The following SATL1 variants were observed in gnomAD, a reference collection of about 807,000 sequenced individuals.
SATL1 encodes the protein spermidine/spermine N(1)-acetyltransferase-like protein 1.
In SATL1, 47 loss-of-function variants were observed where a neutral mutation model predicts 51.8. The ratio of observed to expected loss-of-function variants is 0.91; its 90% CI spans 0.72 to 1.16. The LOEUF is 1.16. Among genes scored for constraint, SATL1 ranks in the 50% most tolerant of loss-of-function variants. The pLI is 0.00. For missense variants in SATL1, 520 were observed against 526.4 expected (o/e 0.99, Z 0.12); for synonymous variants, 176 against 182.4 (o/e 0.97, Z 0.28).
At chrX:85,201,015 C>A (rs181794702) in intron 2 of SATL1, among the ~76,000 whole-genome samples, 3 of 110,804 alleles carry the variant, frequency 2.7e-5, no homozygotes, top group African/African-American at 9.8e-5. Flanking sequence ...AAAATGTGCA[C>A]CTTTAGCAGA....
chrX:85,145,052 A>G (rs1926198434), intron 2 of SATL1, among the ~76,000 whole-genome samples: 1 of 110,263 alleles, frequency 9.1e-6, no homozygotes, highest in Non-Finnish European at 1.9e-5. Context: ...AAATAAAATA[A>G]ATAAAATAAA....
intron 2 of SATL1, among the ~76,000 whole-genome samples, chrX:85,206,592 C>G (rs1398336581): frequency 9.0e-6 from 1 of 111,053 alleles, no homozygotes; most frequent in Non-Finnish European, 1.9e-5. Flanking sequence ...GAGGTGGGAA[C>G]AGAAGCAAGC....
intron 2 of SATL1, among the ~76,000 whole-genome samples, chrX:85,184,417 AC>A (rs1927270631): frequency 9.0e-6 from 1 of 110,785 alleles, no homozygotes; most frequent in African/African-American, 3.3e-5. Context: ...TAAACTTTCT[AC>A]CCCTATCTCT....
At chrX:85,184,372 A>G (rs755220621) in intron 2 of SATL1, among the ~76,000 whole-genome samples, 4 of 111,116 alleles carry the variant, frequency 3.6e-5, no homozygotes, top group African/African-American at 1.3e-4. Flanking sequence ...ATCTTTCTCT[A>G]GGTTTGGGAA....
At chrX:85,124,606 G>A (rs1050575542) in intron 2 of SATL1, among the ~76,000 whole-genome samples, 1 of 111,357 alleles carries the variant, frequency 9.0e-6, no homozygotes, top group African/African-American at 3.3e-5. Context: ...GTAACCCTAA[G>A]AGAAGACTCC....
At chrX:85,118,350 T>C (rs1230480900) in intron 2 of SATL1, 1 of 110,332 alleles carries the variant, frequency 9.1e-6, no homozygotes, top group Non-Finnish European at 1.9e-5. Context: ...CACACCAGTC[T>C]TGTATTTGCG....
intron 2 of SATL1, among the ~76,000 whole-genome samples, chrX:85,139,437 T>A (rs1312734594): frequency 1.8e-5 from 2 of 111,708 alleles, no homozygotes; most frequent in African/African-American, 6.5e-5. Context: ...ATTCTCATTT[T>A]ACAGATGGAG....
At chrX:85,191,801 G>C (rs931801360) in intron 2 of SATL1, among the ~76,000 whole-genome samples, 4 of 111,523 alleles carry the variant, frequency 3.6e-5, no homozygotes, top group African/African-American at 6.5e-5. Context: ...GAAGAAAAAA[G>C]GTTGGTCTTG....
At chrX:85,192,080 A>G (rs1927453936) in intron 2 of SATL1, among the ~76,000 whole-genome samples, 1 of 111,151 alleles carries the variant, frequency 9.0e-6, no homozygotes, top group Non-Finnish European at 1.9e-5. Context: ...TATTTCTTAA[A>G]TCCATCAATT....
intron 2 of SATL1, among the ~76,000 whole-genome samples, chrX:85,189,243 G>A (rs754673584): frequency 1.8e-5 from 2 of 111,484 alleles, no homozygotes; most frequent in South Asian, 7.5e-4. Flanking sequence ...TCAAACTCCT[G>A]GGCTCAATTG....
At chrX:85,126,712 C>T (rs1925635653) in intron 2 of SATL1, among the ~76,000 whole-genome samples, 1 of 110,988 alleles carries the variant, frequency 9.0e-6, no homozygotes. Context: ...CACATCTTAT[C>T]AAAATTTTGT....
chrX:85,151,037 C>T (rs1211319139), intron 2 of SATL1, among the ~76,000 whole-genome samples: 2 of 110,318 alleles, frequency 1.8e-5, no homozygotes, highest in East Asian at 2.8e-4. Flanking sequence ...TCCCTGTTTG[C>T]AGATGACATG....
intron 2 of SATL1, among the ~76,000 whole-genome samples, chrX:85,197,120 T>C (rs1463970964): frequency 3.6e-5 from 4 of 112,177 alleles, no homozygotes; most frequent in Non-Finnish European, 5.6e-5. Flanking sequence ...CGAGAATATA[T>C]TGAAGAGCTC....
chrX:85,102,985 T>G (rs1924936601), intron 4 of SATL1, among the ~76,000 whole-genome samples: 1 of 111,658 alleles, frequency 9.0e-6, no homozygotes, highest in Non-Finnish European at 1.9e-5. Context: ...TGTTTCAGTT[T>G]GAGTACTGCT....
intron 2 of SATL1, among the ~76,000 whole-genome samples, chrX:85,148,484 G>A (rs1287636002): frequency 1.7e-4 from 19 of 110,234 alleles, no homozygotes; most frequent in South Asian, 4.0e-4. Context: ...GATATTCCTC[G>A]AGAAGAGCAA....
chrX:85,232,133 C>T (rs1344065016), intron 1 of SATL1, among the ~76,000 whole-genome samples: 1 of 109,087 alleles, frequency 9.2e-6, no homozygotes, highest in Non-Finnish European at 1.9e-5. Context: ...AGTTGTGAGG[C>T]CCCATTACAA....
chrX:85,223,566 G>T (rs1928217447), intron 2 of SATL1, among the ~76,000 whole-genome samples: 1 of 111,194 alleles, frequency 9.0e-6, no homozygotes. Context: ...GATGAGCCAA[G>T]ATAAGAAGCC....
chrX:85,215,085 C>T (rs1928013265), intron 2 of SATL1, among the ~76,000 whole-genome samples: 1 of 111,906 alleles, frequency 8.9e-6, no homozygotes, highest in South Asian at 3.7e-4. Context: ...ACCCCTATTG[C>T]ATTCTGAGCA....
intron 2 of SATL1, among the ~76,000 whole-genome samples, chrX:85,198,306 C>G (rs1289866724): frequency 8.9e-6 from 1 of 111,815 alleles, no homozygotes; most frequent in African/African-American, 3.3e-5. Flanking sequence ...ATGCAGACGA[C>G]TCTTGGATAT....
Sources: gnomAD v4.1 joint callset for allele counts (sites outside exome capture counted in the v4.1 genomes callset) on GRCh38, gnomAD v4.1.1 for gene constraint, MANE v1.5 for transcripts, NCBI Gene and HGNC (gene_info 2026-07-23, HGNC 2026-07-21) for gene names.